Variants in IDI2 observed in about 807,000 individuals in gnomAD.
IDI2 encodes isopentenyl-diphosphate delta isomerase 2, also known as isopentenyl-diphosphate delta-isomerase 2.
Under a neutral mutation model 14.8 loss-of-function variants are expected in IDI2, and 18 were observed. The observed-to-expected ratio is 1.22, with a 90% confidence interval of 0.84 to 1.80. The LOEUF (loss-of-function observed/expected upper bound fraction) is 1.80, where lower values mean the gene tolerates loss of function less well. Ranked by LOEUF, IDI2 falls within the 40% of genes most tolerant of loss-of-function variation. The pLI, the probability that IDI2 is intolerant of heterozygous loss-of-function variation, is 0.00. For synonymous variants in IDI2, 133 were observed against 109.6 expected (o/e 1.21, Z -1.33); for missense variants, 316 against 283.2 (o/e 1.12, Z -0.83).
Position 1,020,123 on chromosome 10 carries a change from G to A in IDI2, c.367-289C>T, listed in dbSNP as rs114938928. On this transcript the variant is annotated intron_variant, in intron 4 of 4. Coordinates refer to ENST00000277517, the MANE Select transcript of IDI2 (RefSeq NM_033261.3). Reference sequence around the variant, plus strand: ...GAAAACCCCGTAGAAACCGGCTAGCGTTGTCAGGAGAACATCCATCCTCTC... The same window carrying A: ...GAAAACCCCGTAGAAACCGGCTAGCATTGTCAGGAGAACATCCATCCTCTC... Among the ~76,000 whole-genome samples the A allele has an allele frequency of 9.1e-3, 1,391 of 152,236 alleles. 16 individuals carry two copies. The highest frequency in any genetic ancestry group is 0.035 in the South Asian group (167 of 4,828).
chr10:1,019,670 C>T lies in IDI2; in HGVS notation c.531G>A (p.Glu177=). ...CCCTCTCCAGCAGCTCCCACAGCTC[C>T]TCCTGGGACAGGTAGAGGATGCTTT... ...ETKSILYLSQ[E]ELWELLEREA... The change falls in exon 5 of 5, where the codon GAG becomes GAA. Residue 177 remains glutamate (E), a synonymous_variant. Transcript: ENST00000277517. 3 of 1,614,064 alleles carry T rather than the reference C, an allele frequency of 1.9e-6. No homozygotes were observed. Among genetic ancestry groups the T allele is most frequent in the Non-Finnish European group, 8.5e-7 (1 of 1,180,020 alleles).
rs1395736307 is a variant in IDI2, at chr10:1,024,088, A to G, written c.142+494T>C. On this transcript the variant is annotated intron_variant, in intron 2 of 4. Transcript: ENST00000277517. ...ACTGAGAACCATTTCAATAGGGGAA[A>G]GAGACCTCCATGGAGAACCAGCCTA... Among the ~76,000 whole-genome samples the G allele has an allele frequency of 2.6e-5, 4 of 152,364 alleles. No individual in the cohort carries two copies. The East Asian group carries it at 7.7e-4, about 29-fold the overall frequency.
At position 1,020,794 on chromosome 10, in the gene IDI2, T is replaced by C. The variant is rs1832079737; in HGVS notation, c.339A>G (p.Gln113=). ...GCTCCCCAGGAATTCCCAGCTCTGC[T>C]TGCAGACGCCTCTGGGCTGCCCTCC... The part of the protein sequence containing the change: ...GVRRAAQRRL[Q]AELGIPGEQI... Residue 113 remains glutamine (Q), a synonymous_variant, in exon 4 of 5, where the codon CAA becomes CAG. Coordinates refer to ENST00000277517, the MANE Select transcript of IDI2 (RefSeq NM_033261.3). 1.9e-6 allele frequency: 3 copies of C among 1,613,282 alleles called. No individual in the cohort carries two copies. The highest frequency in any genetic ancestry group is 1.3e-5 in the African/African-American group (1 of 74,908).
chr10:1,025,780 G>T (rs1174385579), intron 1 of IDI2, 36 bp downstream of exon 1: 1 of 152,118 alleles, frequency 6.6e-6, no homozygotes, highest in Admixed American at 6.5e-5. Context: ...GATCATAAAA[G>T]AAAGAATTCC....
At position 1,019,613 on chromosome 10, in the gene IDI2, C is replaced by G; in HGVS notation, c.588G>C (p.Trp196Cys). ...EARGEVKVTP[W>C]LRTIAERFLY... ...GAAACCTCTCGGCAATGGTTCTTAG[C>G]CAGGGGGTGACTTTGACTTCACCCC... Residue 196 changes from tryptophan to cysteine, a missense_variant, in exon 5 of 5, where the codon TGG becomes TGC. Trp to Cys is a radical substitution (Grantham distance 215). Coordinates refer to ENST00000277517, the MANE Select transcript of IDI2 (RefSeq NM_033261.3). The G allele has an allele frequency of 6.2e-7, 1 of 1,614,066 alleles. No homozygotes were observed. Among genetic ancestry groups the G allele is most frequent in the Non-Finnish European group, 8.5e-7 (1 of 1,180,022 alleles).
At chr10:1,021,748 A>G (rs934673516) in intron 3 of IDI2, among the ~76,000 whole-genome samples, 1 of 152,198 alleles carries the variant, frequency 6.6e-6, no homozygotes, top group Admixed American at 6.5e-5. Context: ...CGTGAGTACA[A>G]CTTGACCAGC....
Position 1,020,866 on chromosome 10 carries a change from T to C in IDI2, c.267A>G (p.Pro89=). ...GYFTDSCSSH[P]LYNPAELEEK... ...CTTCCAGTTCTGCTGGGTTGTATAA[T>C]GGGTGGCTACTACAGGAGTCGGTAA... Residue 89 remains proline, a synonymous_variant, in exon 4 of 5, where the codon CCA becomes CCG. Coordinates refer to ENST00000277517, the MANE Select transcript of IDI2 (RefSeq NM_033261.3). 1 of 1,613,982 alleles carries C rather than the reference T, an allele frequency of 6.2e-7. No individual in the cohort carries two copies. Among genetic ancestry groups the C allele is most frequent in the Non-Finnish European group, 8.5e-7 (1 of 1,179,930 alleles).
intron 3 of IDI2, 25 bp from the exon 4 acceptor site, chr10:1,020,922 TC>T (rs1832085078): frequency 6.2e-7 from 1 of 1,602,460 alleles, no homozygotes; most frequent in African/African-American, 1.3e-5. Flanking sequence ...TGTGGGAACA[TC>T]CCTCTTTATT....
chr10:1,020,700 GT>G, intron 4 of IDI2, 66 bp downstream of exon 4: 1 of 1,397,824 alleles, frequency 7.2e-7, no homozygotes. Context: ...CCTGGACTTT[GT>G]TCACCGTCTG....
intron 2 of IDI2, 103 bp from the exon 3 acceptor site, chr10:1,022,878 T>G: frequency 1.2e-6 from 1 of 840,664 alleles, no homozygotes; most frequent in Non-Finnish European, 2.0e-6. Flanking sequence ...AAGCCTGTGA[T>G]TGTGGCACCT....
At chr10:1,021,929 T>C (rs1478574875) in intron 3 of IDI2, among the ~76,000 whole-genome samples, 1 of 152,176 alleles carries the variant, frequency 6.6e-6, no homozygotes, top group Non-Finnish European at 1.5e-5. Context: ...CAAAACACTT[T>C]AAATGACCAC....
intron 3 of IDI2, among the ~76,000 whole-genome samples, chr10:1,021,946 C>T (rs1462376301): frequency 1.3e-5 from 2 of 152,166 alleles, no homozygotes; most frequent in Non-Finnish European, 2.9e-5. Flanking sequence ...CCACAATTGA[C>T]GTAAATGCTG....
chr10:1,024,875 C>T, intron 1 of IDI2, 131 bp from the exon 2 acceptor site: 2 of 823,982 alleles, frequency 2.4e-6, no homozygotes, highest in Non-Finnish European at 3.9e-6. Flanking sequence ...GTTGAAGCAG[C>T]ACAGTTCTGA....
At chr10:1,020,654 T>C (rs77782977) in intron 4 of IDI2, 113 bp downstream of exon 4, 24,044 of 1,105,860 alleles carry the variant, frequency 0.022, 352 homozygotes, top group Non-Finnish European at 0.026. Context: ...TCCTTCATCC[T>C]CATGGTGCTT....
intron 1 of IDI2, among the ~76,000 whole-genome samples, chr10:1,025,121 C>A (rs117551503): frequency 2.0e-5 from 3 of 152,000 alleles, no homozygotes; most frequent in Non-Finnish European, 2.9e-5. Context: ...CAGCCCTGTG[C>A]AAAACCACTG....
rs760574304 is a variant in IDI2, at chr10:1,024,572, CG to C, written c.142+9del. ...CTGGGAACTGGACAGAGAAAATGGG[CG>C]GGGGCTACCTTTCTCAATGTTTTCG... On this transcript the variant is annotated intron_variant, in intron 2 of 4. Transcript: ENST00000277517. 2.5e-6 allele frequency: 4 copies of C among 1,613,384 alleles called. No homozygotes were observed. Among genetic ancestry groups the C allele is most frequent in the Middle Eastern group, 1.7e-4 (1 of 6,030 alleles).
At chr10:1,022,208 G>A (rs940129164) in intron 3 of IDI2, among the ~76,000 whole-genome samples, 11 of 150,810 alleles carry the variant, frequency 7.3e-5, no homozygotes, top group African/African-American at 2.7e-4. Flanking sequence ...GCAGTGAGCC[G>A]AGATGGCGCC....
At chr10:1,025,035 CACACACACACACACACAA>C (rs1206570846) in intron 1 of IDI2, among the ~76,000 whole-genome samples, 52 of 86,210 alleles carry the variant, frequency 6.0e-4, no homozygotes, top group Non-Finnish European at 1.3e-3. Flanking sequence ...CACACACACA[CACACACACACACACACAA>C]AACACACCGA....
chr10:1,022,641 G>T, intron 3 of IDI2, 42 bp downstream of exon 3: 1 of 1,426,374 alleles, frequency 7.0e-7, no homozygotes, highest in South Asian at 1.1e-5. Flanking sequence ...CAAGTCACAT[G>T]AGATGCTCTC....
Sources: gnomAD v4.1 joint callset for allele counts (sites outside exome capture counted in the v4.1 genomes callset) on GRCh38, gnomAD v4.1.1 for gene constraint, MANE v1.5 for transcripts, NCBI Gene and HGNC (gene_info 2026-07-23, HGNC 2026-07-21) for gene names.